DLGAP1: variants seen among roughly 807,000 people sequenced by gnomAD.
DLGAP1 encodes DLG associated protein 1.
In DLGAP1, 11 loss-of-function variants were observed where a neutral mutation model predicts 90.8. The observed-to-expected ratio is 0.12, with a 90% CI of 0.08 to 0.20. The LOEUF is 0.20. Among genes scored for constraint, DLGAP1 ranks in the 10% least tolerant of loss-of-function variants. The probability of loss-of-function intolerance (pLI) is 1.00; values close to 1 mark genes in which losing one functional copy is unlikely to be tolerated. For missense variants in DLGAP1, 1,050 were observed against 1,333.8 expected (o/e 0.79, Z 3.31); for synonymous variants, 558 against 540.7 (o/e 1.03, Z -0.44).
chr18:4,174,495 C>A (rs185721628), intron 1 of DLGAP1, among the ~76,000 whole-genome samples: 2 of 151,712 alleles, frequency 1.3e-5, no homozygotes, highest in African/African-American at 2.4e-5. Flanking sequence ...CCACCACGCC[C>A]GGCTAATTTT....
At chr18:4,156,439 C>A (rs891136412) in intron 1 of DLGAP1, among the ~76,000 whole-genome samples, 1 of 152,066 alleles carries the variant, frequency 6.6e-6, no homozygotes, top group African/African-American at 2.4e-5. Flanking sequence ...TGTTTCCTGC[C>A]GTTATTTAAA....
intron 1 of DLGAP1, among the ~76,000 whole-genome samples, chr18:4,269,254 C>T (rs4358033): frequency 0.011 from 1,677 of 150,174 alleles, 24 homozygotes; most frequent in African/African-American, 0.037. Context: ...TGTTGACTCC[C>T]TGAAAGTATA....
intron 7 of DLGAP1, among the ~76,000 whole-genome samples, chr18:3,698,885 T>C (rs1266405583): frequency 1.3e-5 from 2 of 152,140 alleles, no homozygotes; most frequent in Non-Finnish European, 2.9e-5. Context: ...CTTTATTTCA[T>C]TAAGTTGATC....
chr18:4,158,595 T>G (rs2076794914), intron 1 of DLGAP1, among the ~76,000 whole-genome samples: 1 of 152,198 alleles, frequency 6.6e-6, no homozygotes, highest in South Asian at 2.1e-4. Flanking sequence ...TGAATTAATC[T>G]GCTCTCTGTT....
intron 1 of DLGAP1, among the ~76,000 whole-genome samples, chr18:4,155,416 C>T (rs1467719236): frequency 1.3e-5 from 2 of 152,098 alleles, no homozygotes; most frequent in Non-Finnish European, 2.9e-5. Flanking sequence ...CATTTTCCTC[C>T]CTGGGTCTTT....
At chr18:4,285,403 A>G (rs2079662928) in intron 1 of DLGAP1, among the ~76,000 whole-genome samples, 1 of 152,218 alleles carries the variant, frequency 6.6e-6, no homozygotes, top group Non-Finnish European at 1.5e-5. Flanking sequence ...AGCTGAAAAG[A>G]AAACAGGATG....
In DLGAP1 at chr18:3,879,181, C is replaced by A. The variant is rs61746232; in HGVS notation, c.888G>T (p.Ser296=). 2.0e-6 allele frequency: 3 copies of A among 1,525,988 alleles called. No homozygotes were observed. The highest frequency in any genetic ancestry group is 1.3e-5 in the South Asian group (1 of 76,256). The allele number at this position is 1,525,988 out of a possible 1,614,324, so 94.5% of individuals were successfully genotyped here. The change falls in exon 4 of 13, where the codon TCG becomes TCT. Residue 296 remains serine (S), a synonymous_variant. Coordinates refer to ENST00000315677, the MANE Select transcript of DLGAP1 (RefSeq NM_004746.4). This position sits in a 1 kb window ranked among gnomAD's most constrained non-coding sequence, Gnocchi z 6.6. ...TCACCATGGCCTGGTCCATGTTCAC[C>A]GAGGCCTTCTGGTAAACCTCCCGGG... ...SRAREVYQKA[S]VNMDQAMVKS...
intron 1 of DLGAP1, among the ~76,000 whole-genome samples, chr18:4,424,545 T>A (rs1373112852): frequency 6.6e-6 from 1 of 152,168 alleles, no homozygotes; most frequent in Non-Finnish European, 1.5e-5. Flanking sequence ...GGACCATTAA[T>A]ACTTTCAAGG....
rs767905930 is a variant in DLGAP1 at position 4,087,060 on chromosome 18, T to TATATAC, written c.-159+64119_-159+64120insGTATAT. On this transcript the variant is annotated intron_variant, in intron 2 of 12. Coordinates refer to ENST00000315677, the MANE Select transcript of DLGAP1 (RefSeq NM_004746.4). The stretch of plus-strand genomic sequence containing the variant: ...ATATATACACAAACACATATATATA[T>TATATAC]ACACACACTTATATATACATATATG... Among the ~76,000 whole-genome samples, 2 of 96,796 alleles carry TATATAC rather than the reference T, an allele frequency of 2.1e-5. 1 individual carries two copies. Among genetic ancestry groups the TATATAC allele is most frequent in the Non-Finnish European group, 4.8e-5 (2 of 41,452 alleles). 63.5% of individuals were successfully genotyped at this position (96,796 alleles called of 152,430 possible).
chr18:3,738,994 A>T (rs2062780691), intron 6 of DLGAP1, among the ~76,000 whole-genome samples: 1 of 151,142 alleles, frequency 6.6e-6, no homozygotes, highest in Non-Finnish European at 1.5e-5. Context: ...TCAAAAGAAG[A>T]CATTTATGCA....
intron 2 of DLGAP1, among the ~76,000 whole-genome samples, chr18:4,106,966 T>C (rs1237944849): frequency 1.3e-5 from 2 of 152,202 alleles, no homozygotes; most frequent in Non-Finnish European, 2.9e-5. Context: ...TTGTTATAGT[T>C]GTTTCATGCC....
intron 3 of DLGAP1, chr18:3,892,114 A>AACACACACACACACACAC (rs3985698): frequency 7.6e-6 from 1 of 132,296 alleles, no homozygotes; most frequent in Admixed American, 7.6e-5. Context: ...TCACCTCTAA[A>AACACACACACACACACAC]ACACACACAC....
intron 1 of DLGAP1, among the ~76,000 whole-genome samples, chr18:4,243,970 A>G (rs1306500567): frequency 6.6e-6 from 1 of 152,100 alleles, no homozygotes; most frequent in Non-Finnish European, 1.5e-5. Context: ...TGCCACGAAC[A>G]CCTGGGTGCC....
chr18:4,443,583 G>A (rs114310783), intron 1 of DLGAP1, among the ~76,000 whole-genome samples: 23 of 152,296 alleles, frequency 1.5e-4, no homozygotes, highest in African/African-American at 4.6e-4. Flanking sequence ...AGTCACTACC[G>A]TGTAGCACAA....
chr18:3,540,767 A>C (rs780876513), intron 9 of DLGAP1, among the ~76,000 whole-genome samples: 5 of 152,200 alleles, frequency 3.3e-5, no homozygotes, highest in Non-Finnish European at 7.3e-5. Context: ...GATGTCTTTA[A>C]AGTAAAGGAA....
At chr18:4,087,736 AT>A (rs544428891) in intron 2 of DLGAP1, among the ~76,000 whole-genome samples, 1 of 152,044 alleles carries the variant, frequency 6.6e-6, no homozygotes, top group African/African-American at 2.4e-5. Context: ...TACATGGTGT[AT>A]TTTTTTACAT....
chr18:3,551,772 T>C lies in DLGAP1; in HGVS notation c.2057+15718A>G, dbSNP rs866622878. 2.2e-3 allele frequency among the ~76,000 whole-genome samples: 203 copies of C among 92,750 alleles called. 1 individual carries two copies. Among genetic ancestry groups the C allele is most frequent in the African/African-American group, 9.0e-3 (197 of 21,886 alleles). 60.8% of individuals were successfully genotyped at this position (92,750 alleles called of 152,430 possible). On this transcript the variant is annotated intron_variant, in intron 9 of 12. Transcript: ENST00000315677. ...CCTTCCTTCCTTCCTTCCTTCCTTC[T>C]TTCCTTCCTTTTTTTCTTTCTTTTG... is the stretch of plus-strand genomic sequence containing the variant.
chr18:4,214,399 A>G (rs1013263651), intron 1 of DLGAP1, among the ~76,000 whole-genome samples: 10 of 151,714 alleles, frequency 6.6e-5, no homozygotes, highest in Non-Finnish European at 8.8e-5. Context: ...CATTTTTCCT[A>G]TTCATTCAGC....
chr18:3,801,649 G>C (rs2066297889), intron 5 of DLGAP1, among the ~76,000 whole-genome samples: 1 of 152,030 alleles, frequency 6.6e-6, no homozygotes, highest in South Asian at 2.1e-4. Context: ...ATTGTGTCTG[G>C]CACAGAGGAA....
Sources: allele counts gnomAD v4.1 joint callset (sites outside exome capture counted in the v4.1 genomes callset), GRCh38; gene constraint gnomAD v4.1.1; non-coding constraint Gnocchi (gnomAD v3.1); transcripts MANE v1.5; gene names NCBI Gene and HGNC (gene_info 2026-07-23, HGNC 2026-07-21).